The following PIP5K1B variants were observed in gnomAD, a reference collection of about 807,000 sequenced individuals.
The protein encoded by PIP5K1B is phosphatidylinositol 4-phosphate 5-kinase type-1 beta.
In PIP5K1B, 42 loss-of-function variants were observed where a neutral mutation model predicts 67.0. The observed-to-expected ratio is 0.63, with a 90% CI of 0.49 to 0.81. The LOEUF (loss-of-function observed/expected upper bound fraction) is 0.81, where lower values mean the gene tolerates loss of function less well. Ranked by LOEUF, PIP5K1B falls within the 30% of genes least tolerant of loss-of-function variation. PIP5K1B has a pLI of 0.00. For synonymous variants in PIP5K1B, 214 were observed against 231.4 expected (o/e 0.92, Z 0.68); for missense variants, 459 against 646.3 (o/e 0.71, Z 3.14).
chr9:68,886,025 C>T (rs1824454304), intron 6 of PIP5K1B, among the ~76,000 whole-genome samples: 1 of 151,818 alleles, frequency 6.6e-6, no homozygotes, highest in Non-Finnish European at 1.5e-5. Flanking sequence ...ACTAAAAATA[C>T]AAAAAATTAG....
intron 2 of PIP5K1B, among the ~76,000 whole-genome samples, chr9:68,791,316 T>C (rs1831959770): frequency 2.0e-5 from 3 of 152,298 alleles, no homozygotes; most frequent in South Asian, 2.1e-4. Flanking sequence ...CTGTTGAGTA[T>C]TGGTATCTTT....
intron 12 of PIP5K1B, among the ~76,000 whole-genome samples, chr9:68,934,064 C>G (rs1382552313): frequency 2.0e-5 from 3 of 152,176 alleles, no homozygotes; most frequent in Non-Finnish European, 4.4e-5. Context: ...TCCCTCTCCC[C>G]CTCCCTCCAA....
chr9:68,952,499 G>C (rs779946607), intron 14 of PIP5K1B, among the ~76,000 whole-genome samples: 2 of 151,930 alleles, frequency 1.3e-5, no homozygotes, highest in Non-Finnish European at 2.9e-5. Context: ...CCTCTTTCTT[G>C]GTTTACTCCC....
intron 1 of PIP5K1B, among the ~76,000 whole-genome samples, chr9:68,738,500 C>T (rs961120802): frequency 1.3e-5 from 2 of 152,180 alleles, no homozygotes; most frequent in African/African-American, 4.8e-5. Context: ...CTGTCACCAC[C>T]ATAAACTAGT....
At chr9:68,928,730 A>G (rs1007966259) in intron 12 of PIP5K1B, among the ~76,000 whole-genome samples, 2 of 152,232 alleles carry the variant, frequency 1.3e-5, no homozygotes, top group African/African-American at 4.8e-5. Flanking sequence ...ACAGTGGAAA[A>G]TAGTCCTGCT....
At chr9:68,926,847 A>G (rs1826730480) in intron 12 of PIP5K1B, among the ~76,000 whole-genome samples, 1 of 152,136 alleles carries the variant, frequency 6.6e-6, no homozygotes, top group Admixed American at 6.5e-5. Context: ...GCTCAGATAC[A>G]GGCATGAGCC....
intron 15 of PIP5K1B, among the ~76,000 whole-genome samples, chr9:69,003,480 G>A (rs55716168): frequency 0.27 from 39,477 of 146,126 alleles, 5,838 homozygotes; most frequent in South Asian, 0.34. Flanking sequence ...AAAAAAAAAG[G>A]GGGGGGGATA....
chr9:68,779,910 GCCGAAGGAATATACGGACTAGCGGC>G, intron 2 of PIP5K1B: 1 of 443,228 alleles, frequency 2.3e-6, no homozygotes. Flanking sequence ...ATAGCTATTT[GCCGAAGGAATATACGGACTAGCGGC>G]CCGACCACTC....
At chr9:69,002,631 G>A (rs74777216) in intron 15 of PIP5K1B, among the ~76,000 whole-genome samples, 1 of 151,902 alleles carries the variant, frequency 6.6e-6, no homozygotes, top group African/African-American at 2.4e-5. Context: ...TTAAAAAAAA[G>A]AGAGAGAGAG....
At chr9:68,913,300 A>T (rs1474811985) in intron 8 of PIP5K1B, among the ~76,000 whole-genome samples, 2 of 152,238 alleles carry the variant, frequency 1.3e-5, no homozygotes, top group Non-Finnish European at 2.9e-5. Flanking sequence ...GTAAATGCAC[A>T]GGTACAGAAT....
rs554991995 is a variant in PIP5K1B at position 68,752,543 on chromosome 9, C to T, written c.-86+9886C>T. Among the ~76,000 whole-genome samples, 8 of 151,410 alleles carry T rather than the reference C, an allele frequency of 5.3e-5. No individual in the cohort carries two copies. In the South Asian group the frequency reaches 1.5e-3, roughly 28 times the overall value. ...TTTCCCTCCCTTGCTGTCTGCCTTG[C>T]TCCTTCTCTTCCTTCTTTCTTTTCC... is the stretch of plus-strand genomic sequence containing the variant. On this transcript the variant is annotated intron_variant, in intron 2 of 15. Coordinates refer to ENST00000265382, the MANE Select transcript of PIP5K1B (RefSeq NM_003558.4).
At chr9:68,964,537 C>G (rs182802048) in intron 14 of PIP5K1B, among the ~76,000 whole-genome samples, 1 of 152,344 alleles carries the variant, frequency 6.6e-6, no homozygotes, top group East Asian at 1.9e-4. Flanking sequence ...CCTGACTCCC[C>G]ATATAGCCCA....
chr9:68,779,960 A>G (rs1709735213), intron 2 of PIP5K1B: 3 of 590,168 alleles, frequency 5.1e-6, no homozygotes, highest in Non-Finnish European at 2.6e-6. Context: ...CCCCTCCCCT[A>G]CCACTGCCGC....
chr9:68,769,622 T>A (rs1469588797), intron 2 of PIP5K1B, among the ~76,000 whole-genome samples: 2 of 152,218 alleles, frequency 1.3e-5, no homozygotes, highest in East Asian at 3.8e-4. Flanking sequence ...TAAATAAATA[T>A]TTATAACCTA....
chr9:68,784,711 T>G (rs1831514051), intron 2 of PIP5K1B: 1 of 158,834 alleles, frequency 6.3e-6, no homozygotes, highest in Non-Finnish European at 1.5e-5. Context: ...GCCAGACAAT[T>G]GAACCAAGAA....
At chr9:68,879,859 T>TGA (rs1479333441) in intron 6 of PIP5K1B, among the ~76,000 whole-genome samples, 1 of 152,112 alleles carries the variant, frequency 6.6e-6, no homozygotes, top group African/African-American at 2.4e-5. Flanking sequence ...ACAAATAAAG[T>TGA]GATGAATATG....
intron 5 of PIP5K1B, among the ~76,000 whole-genome samples, chr9:68,870,593 G>A (rs549257796): frequency 8.7e-4 from 133 of 152,248 alleles, no homozygotes; most frequent in African/African-American, 3.0e-3. Flanking sequence ...CCTTAAGGCC[G>A]CTTTTACAGA....
chr9:68,864,588 T>C (rs1017133296), intron 5 of PIP5K1B, among the ~76,000 whole-genome samples: 2 of 152,220 alleles, frequency 1.3e-5, no homozygotes. Context: ...GTAATATGAA[T>C]GTATTAATGC....
intron 4 of PIP5K1B, among the ~76,000 whole-genome samples, chr9:68,851,748 G>A (rs566044914): frequency 1.3e-5 from 2 of 152,312 alleles, no homozygotes; most frequent in South Asian, 2.1e-4. Flanking sequence ...TGGCTAAAGT[G>A]GTGGATTTGC....
Sources: allele counts gnomAD v4.1 joint callset (sites outside exome capture counted in the v4.1 genomes callset), GRCh38; gene constraint gnomAD v4.1.1; transcripts MANE v1.5; gene names NCBI Gene and HGNC (gene_info 2026-07-23, HGNC 2026-07-21).